Variants in DHRSX observed in about 807,000 individuals in gnomAD.
DHRSX encodes polyprenol dehydrogenase.
A neutral mutation model predicts 34.0 loss-of-function variants in DHRSX; 31 were observed. That is an observed-to-expected ratio of 0.91 (90% CI 0.69 to 1.23). The LOEUF is 1.23. Ranked by LOEUF, DHRSX falls within the 50% of genes most tolerant of loss-of-function variation. DHRSX has a pLI of 0.00. For synonymous variants in DHRSX, 201 were observed against 183.8 expected (o/e 1.09, Z -0.76); for missense variants, 414 against 428.1 (o/e 0.97, Z 0.29).
chrX:2,461,709 T>C (rs2044404897), intron 1 of DHRSX, among the ~76,000 whole-genome samples: 1 of 152,036 alleles, frequency 6.6e-6, no homozygotes, highest in Admixed American at 6.6e-5. Flanking sequence ...GTTTGGCTAA[T>C]TTTTATTTTT....
chrX:2,258,638 A>G (rs1313518773), intron 5 of DHRSX, among the ~76,000 whole-genome samples: 3 of 152,208 alleles, frequency 2.0e-5, no homozygotes, highest in African/African-American at 7.2e-5. Flanking sequence ...TGGGAGGCTC[A>G]ATGTCTGCTG....
At chrX:2,347,052 A>G (rs1233753868) in intron 3 of DHRSX, among the ~76,000 whole-genome samples, 1 of 152,174 alleles carries the variant, frequency 6.6e-6, no homozygotes, top group African/African-American at 2.4e-5. Context: ...TCTATGGTCA[A>G]ATAGTATTTG....
chrX:2,258,043 A>T (rs1210120937), intron 5 of DHRSX, among the ~76,000 whole-genome samples: 4 of 152,166 alleles, frequency 2.6e-5, no homozygotes, highest in Non-Finnish European at 5.9e-5. Context: ...ACACACACAG[A>T]GGGACAACCA....
intron 3 of DHRSX, among the ~76,000 whole-genome samples, chrX:2,406,732 C>A (rs1248940422): frequency 6.6e-6 from 1 of 152,156 alleles, no homozygotes; most frequent in Admixed American, 6.5e-5. Context: ...CCAGCCACCA[C>A]GCTGGCCAGA....
At chrX:2,260,064 C>T (rs1193354209) in intron 5 of DHRSX, among the ~76,000 whole-genome samples, 1 of 151,836 alleles carries the variant, frequency 6.6e-6, no homozygotes, top group African/African-American at 2.4e-5. Context: ...CCTCTCCCAG[C>T]TCCTGGGGGC....
chrX:2,294,769 A>AGAGAGAGAGAGAGGAAAAAGAGAGG (rs957615868), intron 3 of DHRSX, among the ~76,000 whole-genome samples: 20 of 148,244 alleles, frequency 1.3e-4, no homozygotes, highest in Admixed American at 6.1e-4. Context: ...ACAGAGAAAG[A>AGAGAGAGAGAGAGGAAAAAGAGAGG]GAGAGAGAGA....
At chrX:2,350,166 A>G (rs2042772374) in intron 3 of DHRSX, among the ~76,000 whole-genome samples, 1 of 152,168 alleles carries the variant, frequency 6.6e-6, no homozygotes, top group Non-Finnish European at 1.5e-5. Flanking sequence ...CCTGGCCAAC[A>G]TGGGGAAACA....
chrX:2,354,650 T>TG (rs1461475344), intron 3 of DHRSX, among the ~76,000 whole-genome samples: 2 of 152,034 alleles, frequency 1.3e-5, no homozygotes, highest in African/African-American at 4.8e-5. Flanking sequence ...TTAGTAGAGA[T>TG]GGGGTTTCCC....
chrX:2,490,170 T>A (rs1441245017), intron 1 of DHRSX: 1 of 1,613,946 alleles, frequency 6.2e-7, no homozygotes, highest in African/African-American at 1.3e-5. Context: ...TCCTTCAGGA[T>A]CACCTCCCGG....
intron 5 of DHRSX, among the ~76,000 whole-genome samples, chrX:2,249,513 CTTTTTTTTTTTTT>C (rs753035485): frequency 0.058 from 4,090 of 70,172 alleles, 237 homozygotes; most frequent in African/African-American, 0.16. Context: ...CTTTTTGTGC[CTTTTTTTTTTTTT>C]TTTTTTTTTT....
intron 3 of DHRSX, among the ~76,000 whole-genome samples, chrX:2,370,477 T>C (rs2043044250): frequency 1.3e-5 from 2 of 151,900 alleles, no homozygotes. Flanking sequence ...AGCTGAGGGC[T>C]TTGTATTTTA....
At chrX:2,482,639 GC>G (rs2044791875) in intron 1 of DHRSX, among the ~76,000 whole-genome samples, 1 of 152,168 alleles carries the variant, frequency 6.6e-6, no homozygotes, top group South Asian at 2.1e-4. Context: ...CATGTAAGAA[GC>G]AAACCAACAC....
At chrX:2,351,807 C>CCT (rs2042791842) in intron 3 of DHRSX, among the ~76,000 whole-genome samples, 1 of 152,228 alleles carries the variant, frequency 6.6e-6, no homozygotes, top group African/African-American at 2.4e-5. Flanking sequence ...GCAACCTCCA[C>CCT]CTCCTCGATT....
chrX:2,224,811 A>G (rs994506255), intron 6 of DHRSX, among the ~76,000 whole-genome samples: 13 of 151,066 alleles, frequency 8.6e-5, no homozygotes, highest in Non-Finnish European at 1.3e-4. Context: ...CATGTACACA[A>G]ACTCACATGA....
chrX:2,399,001 C>T (rs6641659), intron 3 of DHRSX, among the ~76,000 whole-genome samples: 33,485 of 151,898 alleles, frequency 0.22, 3,784 homozygotes, highest in Middle Eastern at 0.33. Context: ...TACAGGCACC[C>T]GCCACCAAGC....
intron 3 of DHRSX, among the ~76,000 whole-genome samples, chrX:2,314,429 A>AGAAGGGAGGAAG (rs1179832155): frequency 2.4e-5 from 2 of 83,244 alleles, no homozygotes; most frequent in Non-Finnish European, 4.2e-5. Flanking sequence ...AAGGAAGGGG[A>AGAAGGGAGGAAG]GAAGGGAGGA....
intron 6 of DHRSX, among the ~76,000 whole-genome samples, chrX:2,224,518 CA>C (rs1218436200): frequency 6.6e-6 from 1 of 152,144 alleles, no homozygotes; most frequent in African/African-American, 2.4e-5. Context: ...ACAGCAAGCG[CA>C]TTGTGCTGAA....
chrX:2,375,407 A>T (rs2043129140), intron 3 of DHRSX, among the ~76,000 whole-genome samples: 1 of 138,152 alleles, frequency 7.2e-6, no homozygotes, highest in Non-Finnish European at 1.7e-5. Context: ...TTCTTGTGGA[A>T]AAGGCTGGGG....
At chrX:2,459,418 T>C (rs1233564350) in intron 1 of DHRSX, among the ~76,000 whole-genome samples, 6 of 151,644 alleles carry the variant, frequency 4.0e-5, no homozygotes, top group Non-Finnish European at 7.4e-5. Flanking sequence ...TTAATTCACT[T>C]AATTATTAAT....
Sources: gnomAD v4.1 joint callset for allele counts (sites outside exome capture counted in the v4.1 genomes callset) on GRCh38, gnomAD v4.1.1 for gene constraint, MANE v1.5 for transcripts, NCBI Gene and HGNC (gene_info 2026-07-23, HGNC 2026-07-21) for gene names.